DSCAM: variants seen among roughly 807,000 people sequenced by gnomAD.
DSCAM encodes the protein DS cell adhesion molecule.
In DSCAM, 47 loss-of-function variants were observed where a neutral mutation model predicts 217.7. The ratio of observed to expected loss-of-function variants is 0.22; its 90% CI spans 0.17 to 0.28. The LOEUF (loss-of-function observed/expected upper bound fraction) is 0.28, where lower values mean the gene tolerates loss of function less well. Ranked by LOEUF, DSCAM falls within the 10% of genes least tolerant of loss-of-function variation. The pLI is 1.00. For missense variants in DSCAM, 2,080 were observed against 2,618.3 expected (o/e 0.79, Z 4.49); for synonymous variants, 1,056 against 1,015.3 (o/e 1.04, Z -0.76).
chr21:40,352,723 C>A (rs548014726), intron 5 of DSCAM, among the ~76,000 whole-genome samples: 7 of 152,274 alleles, frequency 4.6e-5, no homozygotes, highest in Non-Finnish European at 8.8e-5. Flanking sequence ...CTGACCAATG[C>A]TCTGCCTCCC....
chr21:40,143,634 A>G (rs2090319163), intron 17 of DSCAM, among the ~76,000 whole-genome samples: 1 of 152,142 alleles, frequency 6.6e-6, no homozygotes, highest in African/African-American at 2.4e-5. Flanking sequence ...TACTAATAAT[A>G]CAAAAAATTA....
intron 11 of DSCAM, among the ~76,000 whole-genome samples, chr21:40,209,834 T>C (rs1437210116): frequency 6.6e-6 from 1 of 152,192 alleles, no homozygotes; most frequent in Non-Finnish European, 1.5e-5. Context: ...CGCTCATTCA[T>C]CTTCCTTTTC....
At chr21:40,649,219 A>G (rs2089985607) in intron 3 of DSCAM, among the ~76,000 whole-genome samples, 1 of 152,090 alleles carries the variant, frequency 6.6e-6, no homozygotes, top group South Asian at 2.1e-4. Flanking sequence ...TTAAAAGACC[A>G]TTGTCTTGGT....
At chr21:40,738,396 T>C (rs1045348679) in intron 1 of DSCAM, among the ~76,000 whole-genome samples, 2 of 152,182 alleles carry the variant, frequency 1.3e-5, no homozygotes, top group Admixed American at 6.5e-5. Flanking sequence ...TCTTCTGCCC[T>C]TCATTAAGGA....
chr21:40,533,616 T>TCCATTCAACCATCCATCCAA (rs146606725), intron 3 of DSCAM, among the ~76,000 whole-genome samples: 31 of 141,196 alleles, frequency 2.2e-4, no homozygotes, highest in African/African-American at 4.7e-4. Context: ...CATCCATCCA[T>TCCATTCAACCATCCATCCAA]CCATCCATCC....
intron 19 of DSCAM, among the ~76,000 whole-genome samples, chr21:40,125,518 T>C (rs1200370782): frequency 6.6e-6 from 1 of 152,206 alleles, no homozygotes; most frequent in Non-Finnish European, 1.5e-5. Context: ...ATGCAACTGC[T>C]CAGTAAATTG....
chr21:40,429,270 CTT>C (rs559574795), intron 3 of DSCAM, among the ~76,000 whole-genome samples: 14 of 142,420 alleles, frequency 9.8e-5, no homozygotes, highest in Admixed American at 1.4e-4. Flanking sequence ...GTTTTTTGTG[CTT>C]TTTTTTTTTT....
At chr21:40,836,593 G>A (rs2092058557) in intron 1 of DSCAM, among the ~76,000 whole-genome samples, 1 of 152,168 alleles carries the variant, frequency 6.6e-6, no homozygotes, top group East Asian at 1.9e-4. Context: ...TTCTCCAACA[G>A]TTCATCGAGA....
rs1462251304 is a variant in DSCAM, at chr21:40,013,356, C to G, written c.5717G>C (p.Arg1906Thr). 3 of 1,592,558 alleles carry G rather than the reference C, an allele frequency of 1.9e-6. No individual in the cohort carries two copies. The highest frequency in any genetic ancestry group is 2.6e-6 in the Non-Finnish European group (3 of 1,170,056). ...ACCTCGGTTTAACAAAAAGTCCATT[C>G]TAAGGTATGGAGGCAAATGTATGAG... ...GDLIHLPPYL[R>T]MDFLLNRGGP... The change falls in exon 33 of 33, where the codon AGA becomes ACA. Residue 1906 changes from arginine (R) to threonine (T), a missense_variant. Transcript: ENST00000400454.
At position 40,052,027 on chromosome 21, in the gene DSCAM, C is replaced by T. The variant is rs1218833750; in HGVS notation, c.5116G>A (p.Val1706Ile). Residue 1706 changes from valine to isoleucine, a missense_variant, in exon 30 of 33, where the codon GTC becomes ATC. Physicochemically the swap from Val to Ile is conservative, Grantham distance 29. Around this residue, in one of 5 missense-constraint regions of DSCAM, gnomAD observed 1,144 missense variants for 1,421.1 expected, o/e 0.81. Coordinates refer to ENST00000400454, the MANE Select transcript of DSCAM (RefSeq NM_001389.5). Reference sequence around the variant, plus strand: ...GCCTGAGACACCGATTGGTAATGGACCGTGTGAGTGACCGTCAGGGACTTC... The same window carrying T: ...GCCTGAGACACCGATTGGTAATGGATCGTGTGAGTGACCGTCAGGGACTTC... The part of the protein sequence containing the change: ...KQKSLTVTHT[V>I]HYQSVSQATG... 6.2e-7 allele frequency: 1 copy of T among 1,614,152 alleles called. No individual in the cohort carries two copies. The highest frequency in any genetic ancestry group is 8.5e-7 in the Non-Finnish European group (1 of 1,180,016).
chr21:40,700,513 C>A (rs1361607728), intron 2 of DSCAM, among the ~76,000 whole-genome samples: 1 of 152,040 alleles, frequency 6.6e-6, no homozygotes, highest in African/African-American at 2.4e-5. Flanking sequence ...TGAATATAAG[C>A]CTTTGTGGTC....
At chr21:40,580,451 T>G (rs963280091) in intron 3 of DSCAM, among the ~76,000 whole-genome samples, 33 of 151,636 alleles carry the variant, frequency 2.2e-4, no homozygotes, top group African/African-American at 8.0e-4. Context: ...GGGAATTGCT[T>G]GAACTCAAGA....
chr21:40,828,735 A>C (rs111987370), intron 1 of DSCAM, among the ~76,000 whole-genome samples: 24,461 of 149,410 alleles, frequency 0.16, 2,102 homozygotes, highest in Admixed American at 0.23. Context: ...AGCTCACTGC[A>C]ACCTCCGCCT....
intron 3 of DSCAM, among the ~76,000 whole-genome samples, chr21:40,559,784 G>A (rs201058517): frequency 3.8e-5 from 4 of 105,572 alleles, no homozygotes; most frequent in Non-Finnish European, 7.8e-5. Flanking sequence ...AAAATTTTCT[G>A]TCTTTTTTTT....
intron 3 of DSCAM, among the ~76,000 whole-genome samples, chr21:40,386,372 G>C (rs543742649): frequency 2.3e-4 from 35 of 152,342 alleles, no homozygotes; most frequent in Admixed American, 1.4e-3. Flanking sequence ...CTACAAGGCT[G>C]TTCCGGAGAC....
chr21:40,790,129 T>TA (rs2091627446), intron 1 of DSCAM, among the ~76,000 whole-genome samples: 1 of 152,038 alleles, frequency 6.6e-6, no homozygotes, highest in Non-Finnish European at 1.5e-5. Flanking sequence ...ACAGGAGCCA[T>TA]ACACCTTTTG....
chr21:40,477,247 C>A (rs1481061190), intron 3 of DSCAM, among the ~76,000 whole-genome samples: 3 of 151,948 alleles, frequency 2.0e-5, no homozygotes, highest in African/African-American at 7.3e-5. Context: ...AAAAATAAAA[C>A]CAGCTCTCTA....
At chr21:40,785,843 G>A (rs1601257242) in intron 1 of DSCAM, among the ~76,000 whole-genome samples, 1 of 152,304 alleles carries the variant, frequency 6.6e-6, no homozygotes, top group East Asian at 1.9e-4. Flanking sequence ...CACATAAAAT[G>A]GTAGACTACT....
intron 1 of DSCAM, among the ~76,000 whole-genome samples, chr21:40,802,670 G>A (rs1425079536): frequency 2.6e-5 from 4 of 152,048 alleles, no homozygotes; most frequent in South Asian, 2.1e-4. Context: ...TTGTGGCTTC[G>A]TAACAGGAGA....
Sources: allele counts gnomAD v4.1 joint callset (sites outside exome capture counted in the v4.1 genomes callset), GRCh38; gene constraint gnomAD v4.1.1; regional missense constraint gnomAD v4.1.1; transcripts MANE v1.5; gene names NCBI Gene and HGNC (gene_info 2026-07-23, HGNC 2026-07-21).